RAP1A: variants seen among roughly 807,000 people sequenced by gnomAD.
The protein encoded by RAP1A is RAP1A, member of RAS oncogene family, also known as ras-related protein Rap-1A.
A neutral mutation model predicts 26.4 loss-of-function variants in RAP1A; 6 were observed. That is an observed-to-expected ratio of 0.23 (90% CI 0.12 to 0.45). RAP1A has a LOEUF of 0.45. RAP1A is among the 20% of genes least tolerant of loss of function. The pLI is 0.99. For missense variants in RAP1A, 121 were observed against 217.2 expected (o/e 0.56, Z 2.78); for synonymous variants, 73 against 79.4 (o/e 0.92, Z 0.43).
chr1:111,555,520 T>C (rs979186680), intron 1 of RAP1A, among the ~76,000 whole-genome samples: 1 of 151,934 alleles, frequency 6.6e-6, no homozygotes, highest in African/African-American at 2.4e-5. Flanking sequence ...AATTGAAGAA[T>C]AGCTGAAGAA....
At chr1:111,677,923 G>T (rs1370985905) in intron 1 of RAP1A, among the ~76,000 whole-genome samples, 1 of 152,184 alleles carries the variant, frequency 6.6e-6, no homozygotes, top group African/African-American at 2.4e-5. Context: ...GCAGGATGGG[G>T]TGTCACAATA....
intron 1 of RAP1A, among the ~76,000 whole-genome samples, chr1:111,631,480 T>A (rs761848652): frequency 3.3e-5 from 5 of 152,190 alleles, no homozygotes; most frequent in Non-Finnish European, 7.4e-5. Context: ...AAAGTAGATA[T>A]TGTTATTGTC....
intron 5 of RAP1A, 31 bp from the exon 6 acceptor site, chr1:111,704,312 T>C: frequency 6.2e-7 from 1 of 1,607,974 alleles, no homozygotes. Flanking sequence ...GAGTATGTTA[T>C]TGTTCATTTT....
chr1:111,558,890 T>G (rs1446018772), intron 1 of RAP1A, among the ~76,000 whole-genome samples: 1 of 152,184 alleles, frequency 6.6e-6, no homozygotes, highest in Non-Finnish European at 1.5e-5. Context: ...ACCATAAGTT[T>G]GATCCAACTG....
intron 1 of RAP1A, among the ~76,000 whole-genome samples, chr1:111,639,223 T>C (rs906137447): frequency 1.3e-5 from 2 of 152,216 alleles, no homozygotes; most frequent in Non-Finnish European, 2.9e-5. Context: ...TCTCTACTTA[T>C]ACCTTCAGAG....
chr1:111,666,075 A>G (rs191758802), intron 1 of RAP1A, among the ~76,000 whole-genome samples: 15 of 152,358 alleles, frequency 9.8e-5, no homozygotes, highest in Admixed American at 2.6e-4. Context: ...ACTGAAATCA[A>G]TAAAGGGAGA....
At chr1:111,552,362 T>C (rs1657300462) in intron 1 of RAP1A, among the ~76,000 whole-genome samples, 1 of 152,250 alleles carries the variant, frequency 6.6e-6, no homozygotes, top group African/African-American at 2.4e-5. Flanking sequence ...ATGTCACAAG[T>C]CTGTCCCTCC....
chr1:111,556,496 A>G (rs960074576), intron 1 of RAP1A, among the ~76,000 whole-genome samples: 3 of 152,214 alleles, frequency 2.0e-5, no homozygotes, highest in Non-Finnish European at 4.4e-5. Context: ...GGTGGAGGCA[A>G]CCCAAATGTG....
chr1:111,691,826 C>A (rs1661679578), intron 2 of RAP1A, among the ~76,000 whole-genome samples: 1 of 152,114 alleles, frequency 6.6e-6, no homozygotes. Flanking sequence ...TTATTTAGTA[C>A]ATAGTTACTG....
chr1:111,703,530 A>G, intron 5 of RAP1A, 54 bp downstream of exon 5: 1 of 1,410,006 alleles, frequency 7.1e-7, no homozygotes, highest in Non-Finnish European at 9.5e-7. Context: ...TGGCCAAATA[A>G]AAAAGTGCCT....
chr1:111,598,451 C>T (rs770891961), intron 1 of RAP1A, among the ~76,000 whole-genome samples: 2 of 151,982 alleles, frequency 1.3e-5, no homozygotes, highest in Non-Finnish European at 2.9e-5. Flanking sequence ...TCCTGCCTAC[C>T]CTTTGAGGAG....
chr1:111,650,729 T>G (rs1257002026), intron 1 of RAP1A, among the ~76,000 whole-genome samples: 1 of 152,142 alleles, frequency 6.6e-6, no homozygotes, highest in Non-Finnish European at 1.5e-5. Context: ...TACCTTAGAG[T>G]TCACTTTTGG....
chr1:111,604,805 A>G (rs1192149105), intron 1 of RAP1A: 1 of 152,216 alleles, frequency 6.6e-6, no homozygotes, highest in Non-Finnish European at 1.5e-5. Flanking sequence ...GTAATCAGCA[A>G]TGTGCTTTGA....
chr1:111,679,218 A>G (rs1661217058), intron 1 of RAP1A, among the ~76,000 whole-genome samples: 1 of 152,284 alleles, frequency 6.6e-6, no homozygotes, highest in African/African-American at 2.4e-5. Context: ...TGGGTTAGAC[A>G]GTGGGTGTAG....
At chr1:111,654,787 T>C (rs1660396856) in intron 1 of RAP1A, among the ~76,000 whole-genome samples, 1 of 150,202 alleles carries the variant, frequency 6.7e-6, no homozygotes. Flanking sequence ...AAGTCCTACT[T>C]GCTAATTTAT....
At chr1:111,639,848 G>A (rs74851499) in intron 1 of RAP1A, among the ~76,000 whole-genome samples, 7,470 of 152,292 alleles carry the variant, frequency 0.049, 234 homozygotes, top group South Asian at 0.086. Flanking sequence ...GTGGGTCTGC[G>A]TCTATCAAAG....
chr1:111,639,601 A>G (rs935552165), intron 1 of RAP1A, among the ~76,000 whole-genome samples: 1 of 150,752 alleles, frequency 6.6e-6, no homozygotes, highest in African/African-American at 2.5e-5. Context: ...CTGTCAGGTG[A>G]GATTCTCAAA....
chr1:111,631,841 A>T (rs1203630104), intron 1 of RAP1A, among the ~76,000 whole-genome samples: 1 of 152,156 alleles, frequency 6.6e-6, no homozygotes. Flanking sequence ...AAGACCAAAC[A>T]CTTACAAAGT....
chr1:111,688,555 G>A (rs1282532694), intron 1 of RAP1A, among the ~76,000 whole-genome samples: 2 of 151,810 alleles, frequency 1.3e-5, no homozygotes, highest in African/African-American at 4.8e-5. Flanking sequence ...CCTGAGCTCA[G>A]GCAATTTGCC....
Sources: allele counts gnomAD v4.1 joint callset (sites outside exome capture counted in the v4.1 genomes callset), GRCh38; gene constraint gnomAD v4.1.1; transcripts MANE v1.5; gene names NCBI Gene and HGNC (gene_info 2026-07-23, HGNC 2026-07-21).